The following CMIP variants were observed in gnomAD, a reference collection of about 807,000 sequenced individuals.
CMIP encodes the protein c-Maf inducing protein.
In CMIP, 13 loss-of-function variants were observed where a neutral mutation model predicts 97.3. The ratio of observed to expected loss-of-function variants is 0.13; its 90% CI spans 0.09 to 0.21. CMIP has a LOEUF of 0.21. CMIP is among the 10% of genes least tolerant of loss of function. The pLI, the probability that CMIP is intolerant of heterozygous loss-of-function variation, is 1.00. For synonymous variants in CMIP, 538 were observed against 436.3 expected, an observed-to-expected ratio of 1.23 and a Z score of -2.91; for missense variants, 847 against 1,024.9, an observed-to-expected ratio of 0.83 and a Z score of 2.37.
chr16:81,515,142 G>A (rs1028958200), intron 1 of CMIP, among the ~76,000 whole-genome samples: 4 of 152,198 alleles, frequency 2.6e-5, no homozygotes, highest in African/African-American at 7.2e-5. Context: ...GTGCCAGACC[G>A]TCTTCTCCCA....
At chr16:81,682,410 C>A (rs966950705) in intron 10 of CMIP, among the ~76,000 whole-genome samples, 1 of 152,072 alleles carries the variant, frequency 6.6e-6, no homozygotes, top group Non-Finnish European at 1.5e-5. Context: ...ACTAAAAATA[C>A]AAAAATTAGC....
intron 14 of CMIP, among the ~76,000 whole-genome samples, chr16:81,698,301 G>A (rs1906993204): frequency 6.6e-6 from 1 of 152,184 alleles, no homozygotes; most frequent in African/African-American, 2.4e-5. Context: ...CCGGTGACCG[G>A]GGACCCCTGC....
In CMIP at chr16:81,579,574, A is replaced by C. The variant is rs963707757; in HGVS notation, c.301-27993A>C. ...TGTGGACTTGGAGAGATTGTCCCTG[A>C]ACCATAGCAGGTGTGGAAGAGGTAG... is the stretch of plus-strand genomic sequence containing the variant. On this transcript the variant is annotated intron_variant, in intron 1 of 20. Coordinates refer to ENST00000537098, the MANE Select transcript of CMIP (RefSeq NM_198390.3). 2.0e-5 allele frequency among the ~76,000 whole-genome samples: 3 copies of C among 152,242 alleles called. No homozygotes were observed. The South Asian group carries it at 6.2e-4, about 32-fold the overall frequency.
chr16:81,523,471 C>A (rs1465949205), intron 1 of CMIP, among the ~76,000 whole-genome samples: 1 of 152,282 alleles, frequency 6.6e-6, no homozygotes, highest in South Asian at 2.1e-4. Flanking sequence ...CTGGTACCCT[C>A]CCAGCACATT....
intron 1 of CMIP, among the ~76,000 whole-genome samples, chr16:81,489,037 C>T (rs1320438176): frequency 1.3e-5 from 2 of 151,070 alleles, no homozygotes; most frequent in Admixed American, 1.3e-4. Context: ...TTCGTTCATT[C>T]TTTTGTTATT....
chr16:81,488,421 C>G (rs923216137), intron 1 of CMIP, among the ~76,000 whole-genome samples: 6 of 152,138 alleles, frequency 3.9e-5, no homozygotes, highest in Non-Finnish European at 2.9e-5. Context: ...ATGAGTAATA[C>G]GTATGAAGTG....
At chr16:81,497,012 G>T (rs561556505) in intron 1 of CMIP, among the ~76,000 whole-genome samples, 1 of 152,364 alleles carries the variant, frequency 6.6e-6, no homozygotes, top group Admixed American at 6.5e-5. Flanking sequence ...ATGCCCTGAT[G>T]CTGGGCCTCG....
At chr16:81,706,275 G>T (rs1489424390) in intron 19 of CMIP, among the ~76,000 whole-genome samples, 1 of 152,226 alleles carries the variant, frequency 6.6e-6, no homozygotes, top group East Asian at 1.9e-4. Context: ...GGCTTCCCGG[G>T]GAGGTGCTGT....
intron 1 of CMIP, among the ~76,000 whole-genome samples, chr16:81,582,530 G>A (rs766578600): frequency 2.6e-5 from 4 of 152,164 alleles, no homozygotes; most frequent in Non-Finnish European, 5.9e-5. Flanking sequence ...TGAGCTTTGA[G>A]TCATCTGTGC....
intron 3 of CMIP, among the ~76,000 whole-genome samples, chr16:81,626,788 A>AGTGACAGAGAGAGAGAGTGT (rs2092074642): frequency 3.2e-5 from 2 of 63,164 alleles, no homozygotes; most frequent in South Asian, 1.4e-3. Flanking sequence ...AGAGAGAGAG[A>AGTGACAGAGAGAGAGAGTGT]GTGTGTGTGT....
intron 1 of CMIP, among the ~76,000 whole-genome samples, chr16:81,499,062 A>G (rs184696150): frequency 9.6e-4 from 146 of 152,318 alleles, no homozygotes; most frequent in African/African-American, 3.4e-3. Context: ...CAAATGAGGA[A>G]ACTGAGGTGT....
At chr16:81,579,237 C>T (rs74031203) in intron 1 of CMIP, among the ~76,000 whole-genome samples, 16 of 152,266 alleles carry the variant, frequency 1.1e-4, no homozygotes, top group African/African-American at 3.6e-4. Context: ...AGGGTGGTGG[C>T]GGTCCTTGCA....
intron 1 of CMIP, among the ~76,000 whole-genome samples, chr16:81,475,408 C>T (rs897900268): frequency 4.6e-5 from 7 of 152,282 alleles, no homozygotes; most frequent in Middle Eastern, 3.4e-3. Context: ...TTCTCTGCCC[C>T]GACTTTGATG....
chr16:81,555,576 G>C (rs1327905576), intron 1 of CMIP, among the ~76,000 whole-genome samples: 1 of 152,326 alleles, frequency 6.6e-6, no homozygotes, highest in Non-Finnish European at 1.5e-5. Context: ...AGAGGGCCTT[G>C]CCATTTGGGC....
intron 1 of CMIP, among the ~76,000 whole-genome samples, chr16:81,509,678 C>T (rs2089775158): frequency 1.3e-5 from 2 of 152,166 alleles, no homozygotes; most frequent in African/African-American, 4.8e-5. Context: ...GGTCAGGGCT[C>T]CAACCCTGGT....
At chr16:81,662,419 T>G (rs1465665569) in intron 6 of CMIP, among the ~76,000 whole-genome samples, 1 of 152,186 alleles carries the variant, frequency 6.6e-6, no homozygotes, top group Non-Finnish European at 1.5e-5. Flanking sequence ...GTACCCTTTT[T>G]GGCATTCTTT....
At chr16:81,648,787 A>G (rs1465300074) in intron 3 of CMIP, among the ~76,000 whole-genome samples, 1 of 4,526 alleles carries the variant, frequency 2.2e-4, no homozygotes, top group East Asian at 0.011. Flanking sequence ...TGTCTCAGAA[A>G]AAAAAAAAAA....
rs145398048 is a variant in CMIP, at chr16:81,691,460, C to G, written c.1389-315C>G. Among the ~76,000 whole-genome samples the G allele has an allele frequency of 2.5e-4, 38 of 152,304 alleles. No homozygotes were observed. In the East Asian group the frequency reaches 7.1e-3, roughly 29 times the overall value. On this transcript the variant is annotated intron_variant, in intron 10 of 20. Transcript: ENST00000537098. Reference sequence around the variant, plus strand: ...GGGCAAAGTTCAGCCTAAAACACCCCCTAATGGTCCCAAAGAGGGCATGAA... The same window carrying G: ...GGGCAAAGTTCAGCCTAAAACACCCGCTAATGGTCCCAAAGAGGGCATGAA...
intron 2 of CMIP, chr16:81,617,444 AC>A (rs2091934142): frequency 6.6e-6 from 1 of 152,330 alleles, no homozygotes; most frequent in African/African-American, 2.4e-5. Flanking sequence ...CTGGGCAAGA[AC>A]CTCTGCCTGG....
Sources: gnomAD v4.1 joint callset for allele counts (sites outside exome capture counted in the v4.1 genomes callset) on GRCh38, gnomAD v4.1.1 for gene constraint, MANE v1.5 for transcripts, NCBI Gene and HGNC (gene_info 2026-07-23, HGNC 2026-07-21) for gene names.